Variants in ADGRL3 observed in about 807,000 individuals in gnomAD.
ADGRL3 encodes the protein calcium-independent alpha-latrotoxin receptor 3.
In ADGRL3, 62 loss-of-function variants were observed where a neutral mutation model predicts 153.5. The ratio of observed to expected loss-of-function variants is 0.40; its 90% CI spans 0.33 to 0.50. ADGRL3 has a LOEUF of 0.50. ADGRL3 is among the 20% of genes least tolerant of loss of function. The pLI is 0.47. For synonymous variants in ADGRL3, 710 were observed against 672.5 expected (o/e 1.06, Z -0.86); for missense variants, 1,641 against 1,859.4 (o/e 0.88, Z 2.16).
chr4:61,572,176 T>A (rs1296602812), intron 4 of ADGRL3, among the ~76,000 whole-genome samples: 1 of 152,152 alleles, frequency 6.6e-6, no homozygotes, highest in Non-Finnish European at 1.5e-5. Context: ...TATATTATGG[T>A]AAACAAGCCC....
chr4:62,049,030 A>G (rs965799483), intron 25 of ADGRL3, among the ~76,000 whole-genome samples: 1 of 152,132 alleles, frequency 6.6e-6, no homozygotes, highest in African/African-American at 2.4e-5. Context: ...TGTAAATATT[A>G]TATTTGTTAG....
intron 3 of ADGRL3, among the ~76,000 whole-genome samples, chr4:61,515,665 T>C (rs2098489040): frequency 6.6e-6 from 1 of 152,190 alleles, no homozygotes; most frequent in African/African-American, 2.4e-5. Context: ...GGATAAAATC[T>C]TTCAATTTTT....
Position 61,416,235 on chromosome 4 carries a change from A to G in ADGRL3, c.-174+33046A>G, listed in dbSNP as rs146932031. 2.8e-3 allele frequency among the ~76,000 whole-genome samples: 422 copies of G among 152,150 alleles called. 10 individuals carry two copies. The highest frequency in any genetic ancestry group is 0.024 in the East Asian group (123 of 5,182). On this transcript the variant is annotated intron_variant, in intron 2 of 26. Coordinates refer to ENST00000683033, the MANE Select transcript of ADGRL3 (RefSeq NM_001387552.1). ...ATAATAATGAAATATGTCTGTCTCA[A>G]TTTTGGGGAAAAAAATGATGGAAAT...
chr4:62,058,517 G>A (rs1320059628), intron 25 of ADGRL3, among the ~76,000 whole-genome samples: 5 of 152,142 alleles, frequency 3.3e-5, no homozygotes, highest in South Asian at 2.1e-4. Context: ...GACACTTGGT[G>A]TAGAGCAGTG....
At chr4:61,220,262 G>A (rs1021325901) in intron 1 of ADGRL3, among the ~76,000 whole-genome samples, 6 of 152,066 alleles carry the variant, frequency 3.9e-5, no homozygotes, top group South Asian at 2.1e-4. Flanking sequence ...TAGATGAAAC[G>A]TCATACGTGA....
At chr4:61,608,140 C>T (rs77859834) in intron 5 of ADGRL3, among the ~76,000 whole-genome samples, 1,584 of 152,310 alleles carry the variant, frequency 0.01, 33 homozygotes, top group African/African-American at 0.035. Flanking sequence ...CTGTAAGGCC[C>T]ATTAAACTGG....
At chr4:61,849,226 C>T (rs1561355307) in intron 9 of ADGRL3, among the ~76,000 whole-genome samples, 1 of 152,050 alleles carries the variant, frequency 6.6e-6, no homozygotes, top group Non-Finnish European at 1.5e-5. Context: ...TAACCTTTAC[C>T]ACAATGTCAC....
At chr4:61,686,993 A>C (rs2095457608) in intron 6 of ADGRL3, among the ~76,000 whole-genome samples, 1 of 152,042 alleles carries the variant, frequency 6.6e-6, no homozygotes, top group Admixed American at 6.6e-5. Flanking sequence ...TTTATGTTTA[A>C]ATTTAACATG....
At chr4:61,721,039 A>G (rs2096233805) in intron 6 of ADGRL3, among the ~76,000 whole-genome samples, 1 of 152,222 alleles carries the variant, frequency 6.6e-6, no homozygotes, top group Admixed American at 6.5e-5. Context: ...ATACTGTTAT[A>G]GTGTAAATGC....
At chr4:61,725,741 G>A (rs2096322650) in intron 6 of ADGRL3, among the ~76,000 whole-genome samples, 1 of 146,772 alleles carries the variant, frequency 6.8e-6, no homozygotes, top group Non-Finnish European at 1.5e-5. Context: ...CTTTTCTAAA[G>A]TATGCTTTTT....
intron 11 of ADGRL3, among the ~76,000 whole-genome samples, chr4:61,900,464 A>C (rs918295738): frequency 3.9e-5 from 6 of 152,190 alleles, no homozygotes; most frequent in African/African-American, 1.4e-4. Context: ...GAGAAGATGT[A>C]AGCTGTTAAA....
intron 5 of ADGRL3, among the ~76,000 whole-genome samples, chr4:61,651,981 A>G (rs1441454271): frequency 1.3e-5 from 2 of 152,254 alleles, no homozygotes; most frequent in East Asian, 3.9e-4. Context: ...TAAAAAAAGA[A>G]AAAATGTATT....
At position 61,395,090 on chromosome 4, in the gene ADGRL3, T is replaced by C. The variant is rs142584598; in HGVS notation, c.-174+11901T>C. Among the ~76,000 whole-genome samples, 255 of 152,202 alleles carry C rather than the reference T, an allele frequency of 1.7e-3. 1 individual carries two copies. The highest frequency in any genetic ancestry group is 5.8e-3 in the African/African-American group (243 of 41,574). On this transcript the variant is annotated intron_variant, in intron 2 of 26. Transcript: ENST00000683033. ...TTTAATAGATTACGTTTCATTTCAA[T>C]TTAATTTCATACCTGATTAAATATG...
chr4:61,622,468 T>C (rs1027324640), intron 5 of ADGRL3, among the ~76,000 whole-genome samples: 1 of 152,100 alleles, frequency 6.6e-6, no homozygotes, highest in African/African-American at 2.4e-5. Flanking sequence ...TATTTTCTTA[T>C]CAGTTTAGTC....
intron 8 of ADGRL3, among the ~76,000 whole-genome samples, chr4:61,779,607 C>T (rs1397017250): frequency 7.4e-6 from 1 of 135,950 alleles, no homozygotes. Flanking sequence ...GCCACCCAGC[C>T]TCGGTGCTGC....
At chr4:61,388,076 T>A (rs1015238269) in intron 2 of ADGRL3, among the ~76,000 whole-genome samples, 9 of 152,222 alleles carry the variant, frequency 5.9e-5, no homozygotes, top group Admixed American at 3.3e-4. Flanking sequence ...TCCATCATCA[T>A]CCACCCCTCT....
chr4:61,752,992 A>G (rs1426519883), intron 8 of ADGRL3, among the ~76,000 whole-genome samples: 2 of 151,984 alleles, frequency 1.3e-5, no homozygotes, highest in Admixed American at 1.3e-4. Context: ...TGTGTACTGA[A>G]CCTATTATTA....
intron 6 of ADGRL3, among the ~76,000 whole-genome samples, chr4:61,709,389 C>G (rs1023304283): frequency 6.6e-6 from 1 of 152,064 alleles, no homozygotes; most frequent in East Asian, 1.9e-4. Context: ...GAAGCAAGTA[C>G]TGTGTTTTCC....
intron 5 of ADGRL3, among the ~76,000 whole-genome samples, chr4:61,617,941 T>C (rs2092183434): frequency 6.6e-6 from 1 of 152,172 alleles, no homozygotes; most frequent in South Asian, 2.1e-4. Flanking sequence ...GCAATGAACA[T>C]AGGTTGGATA....
Sources: gnomAD v4.1 joint callset for allele counts (sites outside exome capture counted in the v4.1 genomes callset) on GRCh38, gnomAD v4.1.1 for gene constraint, MANE v1.5 for transcripts, NCBI Gene and HGNC (gene_info 2026-07-23, HGNC 2026-07-21) for gene names.